FSTL4: variants seen among roughly 807,000 people sequenced by gnomAD.
The protein encoded by FSTL4 is follistatin-related protein 4.
In FSTL4, 28 loss-of-function variants were observed where a neutral mutation model predicts 78.2. The observed-to-expected ratio is 0.36, with a 90% CI of 0.27 to 0.49. The LOEUF (loss-of-function observed/expected upper bound fraction) is 0.49. Among genes scored for constraint, FSTL4 ranks in the 20% least tolerant of loss-of-function variants. The pLI is 0.98. For synonymous variants in FSTL4, 422 were observed against 440.5 expected (o/e 0.96, Z 0.53); for missense variants, 922 against 1,084.9 (o/e 0.85, Z 2.11).
chr5:133,592,851 T>C (rs1760660229), intron 2 of FSTL4, among the ~76,000 whole-genome samples: 1 of 152,198 alleles, frequency 6.6e-6, no homozygotes. Flanking sequence ...TCTGGGGCCA[T>C]GCTTCTTGTA....
At chr5:133,413,082 C>T (rs2126981258) in intron 3 of FSTL4, among the ~76,000 whole-genome samples, 1 of 151,996 alleles carries the variant, frequency 6.6e-6, no homozygotes, top group East Asian at 1.9e-4. Flanking sequence ...CTCTTTTATT[C>T]TTCTACTGTT....
chr5:133,486,323 G>C (rs1472278990), intron 3 of FSTL4, among the ~76,000 whole-genome samples: 1 of 151,456 alleles, frequency 6.6e-6, no homozygotes, highest in African/African-American at 2.4e-5. Flanking sequence ...GAGACAGTGA[G>C]AGACTGAAGG....
chr5:133,738,272 G>A, the FSTL4 span, among the ~76,000 whole-genome samples: 16 of 152,190 alleles, frequency 1.1e-4, no homozygotes, highest in Admixed American at 5.2e-4. Flanking sequence ...TCTCTGAGGA[G>A]CTCAGTGCTC....
At chr5:133,427,578 G>C (rs372200507) in intron 3 of FSTL4, 9 of 511,258 alleles carry the variant, frequency 1.8e-5, no homozygotes, top group South Asian at 1.3e-4. Context: ...ACGCAATGGC[G>C]GGGGGAAGGG....
chr5:133,529,925 G>A (rs1759215897), intron 3 of FSTL4, among the ~76,000 whole-genome samples: 1 of 151,710 alleles, frequency 6.6e-6, no homozygotes, highest in African/African-American at 2.4e-5. Flanking sequence ...CTCAGAACAC[G>A]GATCCAAACC....
chr5:133,733,727 A>G, the FSTL4 span, among the ~76,000 whole-genome samples: 2 of 152,208 alleles, frequency 1.3e-5, no homozygotes, highest in Non-Finnish European at 2.9e-5. Context: ...CACAACAAAC[A>G]TTTATTAGCT....
intron 4 of FSTL4, among the ~76,000 whole-genome samples, chr5:133,359,286 A>T (rs1755017294): frequency 6.6e-6 from 1 of 152,252 alleles, no homozygotes; most frequent in African/African-American, 2.4e-5. Flanking sequence ...AAAGGCGCAT[A>T]GTAAACTCCA....
chr5:133,640,186 A>G, the FSTL4 span, among the ~76,000 whole-genome samples: 1 of 152,200 alleles, frequency 6.6e-6, no homozygotes, highest in East Asian at 1.9e-4. Context: ...AGCTGTGCCT[A>G]CATTCATGCC....
the FSTL4 span, among the ~76,000 whole-genome samples, chr5:133,700,604 G>C: frequency 6.6e-6 from 1 of 152,246 alleles, no homozygotes; most frequent in African/African-American, 2.4e-5. Flanking sequence ...CCGGGATGGA[G>C]TGCAGCCCCA....
At chr5:133,277,960 C>T (rs1030005024) in intron 6 of FSTL4, among the ~76,000 whole-genome samples, 7 of 152,174 alleles carry the variant, frequency 4.6e-5, no homozygotes, top group African/African-American at 9.7e-5. Context: ...TGACCAGAGC[C>T]GTGTGCTCTT....
At chr5:133,381,421 T>C (rs1360444211) in intron 4 of FSTL4, among the ~76,000 whole-genome samples, 1 of 152,222 alleles carries the variant, frequency 6.6e-6, no homozygotes, top group African/African-American at 2.4e-5. Context: ...CATGGTTCCA[T>C]TTATATGGAG....
intron 6 of FSTL4, among the ~76,000 whole-genome samples, chr5:133,295,209 C>T (rs1002632374): frequency 2.0e-5 from 3 of 152,184 alleles, no homozygotes; most frequent in Non-Finnish European, 2.9e-5. Flanking sequence ...AGAAAACAGA[C>T]GTCTGCACAC....
Position 133,463,757 on chromosome 5 carries a change from G to T in FSTL4, c.161-62771C>A, listed in dbSNP as rs1014332825. 2.6e-5 allele frequency among the ~76,000 whole-genome samples: 4 copies of T among 152,180 alleles called. No homozygotes were observed. In the East Asian group the frequency reaches 7.7e-4, roughly 29 times the overall value. ...TATATCCTGGCATAGATGACTGATA[G>T]CCTTTCCTGAGAGCAAATGAGGAGA... On this transcript the variant is annotated intron_variant, in intron 3 of 15. Coordinates refer to ENST00000265342, the MANE Select transcript of FSTL4 (RefSeq NM_015082.2).
intron 4 of FSTL4, among the ~76,000 whole-genome samples, chr5:133,365,460 C>A (rs559296666): frequency 5.9e-5 from 9 of 152,272 alleles, no homozygotes; most frequent in Admixed American, 1.3e-4. Flanking sequence ...CTTTCAAATG[C>A]GGCTGTCATT....
chr5:133,315,678 C>T (rs1160396558), intron 5 of FSTL4, among the ~76,000 whole-genome samples: 1 of 152,022 alleles, frequency 6.6e-6, no homozygotes, highest in Non-Finnish European at 1.5e-5. Flanking sequence ...AGATCTTGTA[C>T]CTGCCTGGTG....
intron 3 of FSTL4, among the ~76,000 whole-genome samples, chr5:133,442,299 A>G (rs1757175744): frequency 6.6e-6 from 1 of 152,234 alleles, no homozygotes; most frequent in South Asian, 2.1e-4. Flanking sequence ...CTGAAAATTG[A>G]TGACACAGGC....
chr5:133,208,680 CTTT>C (rs771799738), intron 14 of FSTL4, among the ~76,000 whole-genome samples: 2 of 152,082 alleles, frequency 1.3e-5, no homozygotes, highest in East Asian at 1.9e-4. Flanking sequence ...ATGCATTTTT[CTTT>C]TTTTGTTTTT....
chr5:133,613,248 C>T (rs1156857982), upstream of FSTL4, among the ~76,000 whole-genome samples: 2 of 152,204 alleles, frequency 1.3e-5, no homozygotes, highest in Non-Finnish European at 2.9e-5. Context: ...ACTGGAAACA[C>T]CTTTGTAACA....
chr5:133,259,417 C>T (rs143732134), intron 6 of FSTL4, among the ~76,000 whole-genome samples: 202 of 151,600 alleles, frequency 1.3e-3, no homozygotes, highest in African/African-American at 4.6e-3. Flanking sequence ...GGCACAGATG[C>T]GGTCAGAGGC....
Sources: allele counts gnomAD v4.1 joint callset (sites outside exome capture counted in the v4.1 genomes callset), GRCh38; gene constraint gnomAD v4.1.1; transcripts MANE v1.5; gene names NCBI Gene and HGNC (gene_info 2026-07-23, HGNC 2026-07-21).